The following WDPCP variants were observed in gnomAD, a reference collection of about 807,000 sequenced individuals.
The protein encoded by WDPCP is WD repeat-containing and planar cell polarity effector protein fritz homolog.
A neutral mutation model predicts 93.1 loss-of-function variants in WDPCP; 71 were observed. The ratio of observed to expected loss-of-function variants is 0.76; its 90% CI spans 0.63 to 0.93. The LOEUF (loss-of-function observed/expected upper bound fraction) is 0.93, where lower values mean the gene tolerates loss of function less well. Ranked by LOEUF, WDPCP falls within the 40% of genes least tolerant of loss-of-function variation. The pLI, the probability that WDPCP is intolerant of heterozygous loss-of-function variation, is 0.00. For synonymous variants in WDPCP, 315 were observed against 315.0 expected, an observed-to-expected ratio of 1.00 and a Z score of 0.00; for missense variants, 844 against 887.4, an observed-to-expected ratio of 0.95 and a Z score of 0.62.
At chr2:63,243,569 A>G (rs994564207) in intron 14 of WDPCP, among the ~76,000 whole-genome samples, 1 of 152,170 alleles carries the variant, frequency 6.6e-6, no homozygotes, top group African/African-American at 2.4e-5. Flanking sequence ...CTTAGATCAT[A>G]GAAAACAGAC....
At chr2:63,393,670 A>G (rs1693473285) in intron 10 of WDPCP, among the ~76,000 whole-genome samples, 1 of 152,176 alleles carries the variant, frequency 6.6e-6, no homozygotes, top group Non-Finnish European at 1.5e-5. Context: ...ACCCAACTTC[A>G]AACTATACCA....
intron 1 of WDPCP, among the ~76,000 whole-genome samples, chr2:63,822,756 C>G (rs569320847): frequency 1.3e-5 from 2 of 152,044 alleles, no homozygotes; most frequent in Admixed American, 6.6e-5. Context: ...TGTGGTGGCA[C>G]GCAGTGGTAG....
chr2:63,278,751 G>T (rs1683274874), intron 13 of WDPCP, among the ~76,000 whole-genome samples: 1 of 152,152 alleles, frequency 6.6e-6, no homozygotes, highest in Non-Finnish European at 1.5e-5. Flanking sequence ...GTGTGAACCT[G>T]GGAGGCAGAG....
At position 63,533,949 on chromosome 2, in the gene WDPCP, A is replaced by T. The variant is rs181267404; in HGVS notation, c.76-41009T>A. ...TGGTTTTCTTGAAAAGATCAACAAA[A>T]CAGATAGACTGCTAGCAAGACTAAA... On this transcript the variant is annotated intron_variant, in intron 1 of 17. Transcript: ENST00000272321. Among the ~76,000 whole-genome samples the T allele has an allele frequency of 4.6e-5, 7 of 152,216 alleles. No individual in the cohort carries two copies. In the East Asian group the frequency reaches 7.7e-4, roughly 17 times the overall value.
chr2:63,795,704 G>A (rs1459557007), intron 2 of WDPCP, among the ~76,000 whole-genome samples: 1 of 152,124 alleles, frequency 6.6e-6, no homozygotes, highest in Non-Finnish European at 1.5e-5. Flanking sequence ...AGAAGGTCAA[G>A]AATCCTTGGC....
At chr2:63,330,463 A>C (rs1361152406) in intron 12 of WDPCP, among the ~76,000 whole-genome samples, 1 of 152,052 alleles carries the variant, frequency 6.6e-6, no homozygotes, top group Non-Finnish European at 1.5e-5. Context: ...AGTTCCTTAT[A>C]TATTTTAGAT....
At chr2:63,410,167 T>C (rs1475066276) in intron 9 of WDPCP, among the ~76,000 whole-genome samples, 1 of 152,172 alleles carries the variant, frequency 6.6e-6, no homozygotes, top group Non-Finnish European at 1.5e-5. Context: ...AACAGCAGAT[T>C]TCTCAGCAGA....
chr2:63,348,531 C>T, intron 12 of WDPCP, among the ~76,000 whole-genome samples: 1 of 152,036 alleles, frequency 6.6e-6, no homozygotes, highest in East Asian at 1.9e-4. Context: ...TTTTTTCTGA[C>T]AGCAATGATG....
intron 9 of WDPCP, among the ~76,000 whole-genome samples, chr2:63,432,106 A>G (rs1696805545): frequency 6.6e-6 from 1 of 152,230 alleles, no homozygotes; most frequent in Non-Finnish European, 1.5e-5. Flanking sequence ...CAAACTTTCA[A>G]GTATCAATTC....
At position 63,404,420 on chromosome 2, in the gene WDPCP, C is replaced by A; in HGVS notation, c.1063G>T (p.Gly355Cys). The A allele has an allele frequency of 6.2e-7, 1 of 1,614,152 alleles. No individual in the cohort carries two copies. The highest frequency in any genetic ancestry group is 8.5e-7 in the Non-Finnish European group (1 of 1,180,010). Residue 355 changes from glycine to cysteine, a missense_variant, in exon 10 of 18, where the codon GGC becomes TGC. By Grantham distance (159) the Gly-to-Cys change is radical. Transcript: ENST00000272321. The stretch of plus-strand genomic sequence containing the variant: ...AGAATTAGCGAAGAATCTTCACAGC[C>A]CAGAATCAGTTTGTCTTCAGTAACA... ...RNVTEDKLILGCEDSSLILYE... is the reference protein window; with the variant it reads ...RNVTEDKLILCCEDSSLILYE...
intron 13 of WDPCP, among the ~76,000 whole-genome samples, chr2:63,304,389 A>C (rs1041850387): frequency 6.6e-6 from 1 of 152,152 alleles, no homozygotes; most frequent in East Asian, 1.9e-4. Flanking sequence ...TACCTGATTC[A>C]TCAAATTGAG....
chr2:63,760,295 G>C (rs1670037167), intron 2 of WDPCP, among the ~76,000 whole-genome samples: 2 of 152,138 alleles, frequency 1.3e-5, no homozygotes, highest in Admixed American at 6.5e-5. Context: ...ACGACACCCA[G>C]AGTTGATGTT....
At chr2:63,575,518 A>ATATACAGTGTATACACT (rs1427622731) in intron 1 of WDPCP, among the ~76,000 whole-genome samples, 1 of 74,312 alleles carries the variant, frequency 1.3e-5, no homozygotes, top group African/African-American at 5.9e-5. Context: ...CTGTATATAT[A>ATATACAGTGTATACACT]GTATATACAG....
chr2:63,589,509 G>C (rs1017405349), upstream of WDPCP: 9 of 912,654 alleles, frequency 9.9e-6, no homozygotes, highest in Admixed American at 2.1e-5. Flanking sequence ...TATTTACCAG[G>C]TGCTCCAGAT....
At chr2:63,607,006 A>G (rs760941794) in intron 3 of WDPCP, 5 of 1,601,808 alleles carry the variant, frequency 3.1e-6, no homozygotes, top group Admixed American at 3.5e-5. Flanking sequence ...TGATGTTACT[A>G]AATGCTTCAA....
At chr2:63,543,190 C>T (rs1033148201) in intron 1 of WDPCP, among the ~76,000 whole-genome samples, 1 of 151,962 alleles carries the variant, frequency 6.6e-6, no homozygotes, top group Non-Finnish European at 1.5e-5. Context: ...TAGTGAAGTA[C>T]AAAAATCAGT....
chr2:63,555,991 G>T (rs934799416), intron 1 of WDPCP, among the ~76,000 whole-genome samples: 1 of 152,178 alleles, frequency 6.6e-6, no homozygotes, highest in East Asian at 1.9e-4. Flanking sequence ...CTGGATGGAG[G>T]CTGAGATGGA....
intron 12 of WDPCP, among the ~76,000 whole-genome samples, chr2:63,326,666 CAGAG>C (rs974639223): frequency 5.8e-5 from 8 of 137,522 alleles, no homozygotes; most frequent in South Asian, 5.3e-4. Context: ...GACAGAGAGA[CAGAG>C]AGAGAGAAAG....
chr2:63,556,520 C>G (rs372691333), intron 1 of WDPCP, among the ~76,000 whole-genome samples: 2 of 152,148 alleles, frequency 1.3e-5, no homozygotes, highest in African/African-American at 4.8e-5. Flanking sequence ...GCTCCTTTAG[C>G]TCAGTGAAAT....
Sources: gnomAD v4.1 joint callset for allele counts (sites outside exome capture counted in the v4.1 genomes callset) on GRCh38, gnomAD v4.1.1 for gene constraint, MANE v1.5 for transcripts, NCBI Gene and HGNC (gene_info 2026-07-23, HGNC 2026-07-21) for gene names.